The following CCDC88C variants were observed in gnomAD, a reference collection of about 807,000 sequenced individuals.
CCDC88C encodes protein Daple.
In CCDC88C, 131 loss-of-function variants were observed where a neutral mutation model predicts 198.8. The observed-to-expected ratio is 0.66, with a 90% CI of 0.57 to 0.76. CCDC88C has a LOEUF of 0.76. CCDC88C is among the 30% of genes least tolerant of loss of function. CCDC88C has a pLI of 0.00. For synonymous variants in CCDC88C, 1,166 were observed against 1,114.7 expected, an observed-to-expected ratio of 1.05 and a Z score of -0.92; for missense variants, 2,553 against 2,631.6, an observed-to-expected ratio of 0.97 and a Z score of 0.65.
At chr14:91,283,842 C>T (rs1268130906) in intron 25 of CCDC88C, among the ~76,000 whole-genome samples, 1 of 152,246 alleles carries the variant, frequency 6.6e-6, no homozygotes, top group African/African-American at 2.4e-5. Flanking sequence ...CACATATTCA[C>T]TCTAGGACAC....
Position 91,338,210 on chromosome 14 carries a change from A to G in CCDC88C, c.892-47T>C, listed in dbSNP as rs199596464. The G allele has an allele frequency of 6.8e-4, 1,086 of 1,600,438 alleles. 6 individuals carry two copies. In the African/African-American group the frequency reaches 0.013, roughly 20 times the overall value. ...GAGAACCTAGCTTAGGGCATCCTCT[A>G]GGAAGGGCAGAAAGGCCATTGCCCT... is the stretch of plus-strand genomic sequence containing the variant. On this transcript the variant is annotated intron_variant, in intron 9 of 29. Coordinates refer to ENST00000389857, the MANE Select transcript of CCDC88C (RefSeq NM_001080414.4). This position sits in a 1 kb window ranked among gnomAD's most constrained non-coding sequence, Gnocchi z 4.8.
At position 91,303,771 on chromosome 14, in the gene CCDC88C, T is replaced by C. The variant is rs2139781429; in HGVS notation, c.3565A>G (p.Ile1189Val). 3.1e-6 allele frequency: 5 copies of C among 1,613,428 alleles called. No homozygotes were observed. The highest frequency in any genetic ancestry group is 4.5e-5 in the East Asian group (2 of 44,860). Reference sequence around the variant, plus strand: ...GTCTTTAGGCAGCTGTGCTGGCGGATGAGGGCCTCGTACTCGGCCGATTGC... The same window carrying C: ...GTCTTTAGGCAGCTGTGCTGGCGGACGAGGGCCTCGTACTCGGCCGATTGC... ...ERQSAEYEALIRQHSCLKTLH... is the reference protein window; with the variant it reads ...ERQSAEYEALVRQHSCLKTLH... Residue 1189 changes from isoleucine (I) to valine (V), a missense_variant, in exon 20 of 30, where the codon ATC (isoleucine) becomes GTC (valine). This residue lies in a region of CCDC88C where 1,293 missense variants were observed against 1,219.6 expected (regional missense o/e 1.06). Transcript: ENST00000389857.
chr14:91,311,899 T>C (rs1226831623), intron 15 of CCDC88C, among the ~76,000 whole-genome samples: 1 of 152,036 alleles, frequency 6.6e-6, no homozygotes, highest in Non-Finnish European at 1.5e-5. Context: ...TACAAGGATG[T>C]CTAGTATTAT....
chr14:91,387,194 C>G (rs1885198280), intron 3 of CCDC88C, among the ~76,000 whole-genome samples: 1 of 152,190 alleles, frequency 6.6e-6, no homozygotes, highest in African/African-American at 2.4e-5. Context: ...GGGCTCTAAA[C>G]ACACAATGTT....
intron 6 of CCDC88C, among the ~76,000 whole-genome samples, chr14:91,341,862 TG>T (rs1200638634): frequency 2.0e-5 from 3 of 152,080 alleles, no homozygotes; most frequent in East Asian, 1.9e-4. Flanking sequence ...GGCCCCTCGC[TG>T]GGGGGCCTGA....
chr14:91,339,013 G>C lies in CCDC88C; in HGVS notation c.809+265C>G, dbSNP rs1893183939. 8.8e-6 allele frequency: 5 copies of C among 570,218 alleles called. No individual in the cohort carries two copies. The South Asian group carries it at 9.5e-5, about 11-fold the overall frequency. 35.3% of individuals were successfully genotyped at this position (570,218 alleles called of 1,614,324 possible). A position where few individuals can be genotyped will look rare whatever the true frequency, so the allele number is the denominator to read the frequency against. ...CCAAGCTGGAGCTGAGCGTGGACTG[G>C]AGGCTGCTTCTGTGGACAACTTGCA... is the stretch of plus-strand genomic sequence containing the variant. On this transcript the variant is annotated intron_variant, in intron 8 of 29. Coordinates refer to ENST00000389857, the MANE Select transcript of CCDC88C (RefSeq NM_001080414.4). This position sits in a 1 kb window ranked among gnomAD's most constrained non-coding sequence, Gnocchi z 5.8.
chr14:91,401,362 C>T (rs1285828), intron 3 of CCDC88C, among the ~76,000 whole-genome samples: 124,256 of 145,140 alleles, frequency 0.86, 53,364 homozygotes, highest in East Asian at 0.98. Context: ...TGAGACGGAG[C>T]CTTACTCTGT....
intron 29 of CCDC88C, among the ~76,000 whole-genome samples, chr14:91,275,518 C>T (rs1360155935): frequency 6.6e-6 from 1 of 151,240 alleles, no homozygotes; most frequent in Non-Finnish European, 1.5e-5. Flanking sequence ...CACTGTGTTG[C>T]CCAGGCTGGA....
chr14:91,374,541 T>C (rs1416885003), intron 3 of CCDC88C, among the ~76,000 whole-genome samples: 1 of 150,620 alleles, frequency 6.6e-6, no homozygotes, highest in African/African-American at 2.4e-5. Context: ...AAAATGCGAG[T>C]GTAGGGAGGG....
chr14:91,285,901 G>T, intron 25 of CCDC88C: 2 of 931,022 alleles, frequency 2.1e-6, no homozygotes, highest in Non-Finnish European at 1.5e-6. Context: ...TAAATGAAAT[G>T]AACAATAATG....
chr14:91,398,508 T>C (rs949323998), intron 3 of CCDC88C, among the ~76,000 whole-genome samples: 3 of 151,648 alleles, frequency 2.0e-5, no homozygotes, highest in Non-Finnish European at 4.4e-5. Flanking sequence ...ACAAAAATAA[T>C]TAGCTGGGCA....
rs192497579 is a variant in CCDC88C at position 91,285,656 on chromosome 14, A to G, written c.4442-2139T>C. The G allele has an allele frequency of 1.0e-5, 13 of 1,286,752 alleles. No individual in the cohort carries two copies. In the African/African-American group the frequency reaches 1.8e-4, roughly 18 times the overall value. The allele number at this position is 1,286,752 out of a possible 1,614,324, so 79.7% of individuals were successfully genotyped here. On this transcript the variant is annotated intron_variant, in intron 25 of 29. Coordinates refer to ENST00000389857, the MANE Select transcript of CCDC88C (RefSeq NM_001080414.4). ...GGAGGGTACACAATACAGACACATG[A>G]TAAAGGAAAGGGATTAGAAATCTCC...
At chr14:91,390,005 G>C (rs1885403318) in intron 3 of CCDC88C, among the ~76,000 whole-genome samples, 1 of 151,910 alleles carries the variant, frequency 6.6e-6, no homozygotes, top group Non-Finnish European at 1.5e-5. Context: ...CCGGGAGGCG[G>C]AGCTTGCAGT....
chr14:91,361,295 T>C (rs960623577), intron 3 of CCDC88C, among the ~76,000 whole-genome samples: 3 of 152,222 alleles, frequency 2.0e-5, no homozygotes, highest in African/African-American at 4.8e-5. Flanking sequence ...AGTCGCTCTA[T>C]TGCATAACAT....
intron 3 of CCDC88C, among the ~76,000 whole-genome samples, chr14:91,361,894 C>T (rs1325089628): frequency 1.3e-5 from 2 of 152,146 alleles, no homozygotes; most frequent in African/African-American, 4.8e-5. Flanking sequence ...AGGAGAGTGC[C>T]CAATGACATG....
At chr14:91,293,078 C>T (rs865886413) in intron 23 of CCDC88C, among the ~76,000 whole-genome samples, 2 of 71,442 alleles carry the variant, frequency 2.8e-5, no homozygotes, top group East Asian at 3.6e-4. Context: ...CTGCCACAGC[C>T]CACCTTCCTG....
At chr14:91,332,081 C>T (rs1322669055) in intron 10 of CCDC88C, among the ~76,000 whole-genome samples, 1 of 152,164 alleles carries the variant, frequency 6.6e-6, no homozygotes, top group Non-Finnish European at 1.5e-5. Flanking sequence ...TGGGAGCCAG[C>T]GCTGCCTAGA....
At chr14:91,363,309 C>CTAG (rs2139911429) in intron 3 of CCDC88C, among the ~76,000 whole-genome samples, 1 of 148,218 alleles carries the variant, frequency 6.7e-6, no homozygotes, top group African/African-American at 2.6e-5. Flanking sequence ...GGGGGTTTCA[C>CTAG]CATGTTGCCC....
Position 91,307,232 on chromosome 14 carries a change from G to A in CCDC88C, c.3007-6C>T, listed in dbSNP as rs1167623659. On this transcript the variant is annotated splice_region_variant and splice_polypyrimidine_tract_variant and intron_variant, in intron 17 of 29. Coordinates refer to ENST00000389857, the MANE Select transcript of CCDC88C (RefSeq NM_001080414.4). ...GTCTCACACTCCTTCTTTAGCTACA[G>A]GTGTGACAATAAGCAAGGAGGCTTT... The A allele has an allele frequency of 6.2e-7, 1 of 1,612,250 alleles. No individual in the cohort carries two copies. Among genetic ancestry groups the A allele is most frequent in the Admixed American group, 1.7e-5 (1 of 60,000 alleles).
Sources: allele counts gnomAD v4.1 joint callset (sites outside exome capture counted in the v4.1 genomes callset), GRCh38; gene constraint gnomAD v4.1.1; regional missense constraint gnomAD v4.1.1; non-coding constraint Gnocchi (gnomAD v3.1); transcripts MANE v1.5; gene names NCBI Gene and HGNC (gene_info 2026-07-23, HGNC 2026-07-21).